The following ALK variants were observed in gnomAD, a reference collection of about 807,000 sequenced individuals.
The protein encoded by ALK is ALK receptor tyrosine kinase, also known as ALK tyrosine kinase receptor.
A neutral mutation model predicts 163.1 loss-of-function variants in ALK; 74 were observed. The observed-to-expected ratio is 0.45, with a 90% CI of 0.38 to 0.55. ALK has a LOEUF of 0.55. Ranked by LOEUF, ALK falls within the 20% of genes least tolerant of loss-of-function variation. The pLI is 0.00. For synonymous variants in ALK, 960 were observed against 843.2 expected (o/e 1.14, Z -2.40); for missense variants, 2,063 against 2,105.3 (o/e 0.98, Z 0.39).
At chr2:29,720,199 T>C (rs751329485) in intron 1 of ALK, among the ~76,000 whole-genome samples, 8 of 151,418 alleles carry the variant, frequency 5.3e-5, no homozygotes, top group Non-Finnish European at 1.0e-4. Context: ...CCAGATAATA[T>C]ATTCAGGGGT....
chr2:29,789,002 C>G (rs4666273), intron 1 of ALK, among the ~76,000 whole-genome samples: 132,373 of 149,862 alleles, frequency 0.88, 60,430 homozygotes, highest in East Asian at 1. Context: ...AAAACATGCT[C>G]CATCCTGGTA....
At chr2:29,919,351 T>C (rs1359722244) in intron 1 of ALK, among the ~76,000 whole-genome samples, 2 of 151,842 alleles carry the variant, frequency 1.3e-5, no homozygotes, top group African/African-American at 4.8e-5. Context: ...CCTCCTGTCC[T>C]CTGTTCCTTA....
intron 3 of ALK, among the ~76,000 whole-genome samples, chr2:29,657,714 A>G (rs1677226102): frequency 6.6e-6 from 1 of 152,114 alleles, no homozygotes; most frequent in Non-Finnish European, 1.5e-5. Context: ...CAAGAAAGAC[A>G]ATGAAAGACA....
rs78408768 is a variant in ALK at position 29,246,769 on chromosome 2, T to C, written c.2204+4336A>G. ...CTCCCCTGCCATCTTTCCCCTGTCC[T>C]GGCTCAGTCCTTTTGACCATGGCCT... On this transcript the variant is annotated intron_variant, in intron 12 of 28. Coordinates refer to ENST00000389048, the MANE Select transcript of ALK (RefSeq NM_004304.5). This position sits in a 1 kb window ranked among gnomAD's most constrained non-coding sequence, Gnocchi z 4.3. 8.0e-3 allele frequency among the ~76,000 whole-genome samples: 1,221 copies of C among 152,308 alleles called. 17 individuals are homozygous for C. Among genetic ancestry groups the C allele is most frequent in the African/African-American group, 0.028 (1,167 of 41,570 alleles).
chr2:29,354,224 ACT>A (rs1182649869), intron 5 of ALK, among the ~76,000 whole-genome samples: 1 of 151,872 alleles, frequency 6.6e-6, no homozygotes, highest in African/African-American at 2.4e-5. Flanking sequence ...TCCTGTCCTG[ACT>A]CCTCACAGAG....
intron 1 of ALK, among the ~76,000 whole-genome samples, chr2:29,869,178 T>C (rs989734763): frequency 1.3e-5 from 2 of 152,220 alleles, no homozygotes; most frequent in African/African-American, 4.8e-5. Flanking sequence ...CATAATAAAA[T>C]GGCTGATTTA....
chr2:29,839,835 G>A (rs1418313541), intron 1 of ALK, among the ~76,000 whole-genome samples: 1 of 151,932 alleles, frequency 6.6e-6, no homozygotes, highest in East Asian at 1.9e-4. Flanking sequence ...GTGTTGTGTC[G>A]CTCTGTAATA....
At chr2:29,848,546 T>C (rs1258379615) in intron 1 of ALK, among the ~76,000 whole-genome samples, 2 of 152,216 alleles carry the variant, frequency 1.3e-5, no homozygotes, top group Non-Finnish European at 2.9e-5. Context: ...TTTTAATACC[T>C]AGCCTGTAAA....
chr2:29,699,220 G>C (rs564712279), intron 2 of ALK, among the ~76,000 whole-genome samples: 30 of 152,228 alleles, frequency 2.0e-4, no homozygotes, highest in Admixed American at 3.3e-4. Flanking sequence ...ACCCACCCAG[G>C]GGCAGGGGTG....
At chr2:29,543,378 G>A (rs1327661826) in intron 3 of ALK, among the ~76,000 whole-genome samples, 3 of 152,192 alleles carry the variant, frequency 2.0e-5, no homozygotes, top group Non-Finnish European at 4.4e-5. Context: ...GATGGTGTTT[G>A]TCCTTTATGC....
chr2:29,558,149 T>G (rs1410674428), intron 3 of ALK, among the ~76,000 whole-genome samples: 1 of 152,220 alleles, frequency 6.6e-6, no homozygotes, highest in African/African-American at 2.4e-5. Context: ...TTGTCCTCAA[T>G]CAAGAGCTGA....
intron 4 of ALK, among the ~76,000 whole-genome samples, chr2:29,490,889 C>A (rs977672533): frequency 8.5e-5 from 13 of 152,186 alleles, no homozygotes; most frequent in African/African-American, 3.1e-4. Context: ...ATGTCTGCAA[C>A]AGCTGTCATG....
chr2:29,839,316 GT>G (rs1367189627), intron 1 of ALK, among the ~76,000 whole-genome samples: 2 of 152,124 alleles, frequency 1.3e-5, no homozygotes, highest in Non-Finnish European at 2.9e-5. Flanking sequence ...AGATGAGTAA[GT>G]TTTTTTAAGT....
intron 1 of ALK, among the ~76,000 whole-genome samples, chr2:29,904,516 T>C (rs2148433079): frequency 6.6e-6 from 1 of 152,176 alleles, no homozygotes; most frequent in South Asian, 2.1e-4. Context: ...AATAACAACA[T>C]CAATAATAAT....
chr2:29,315,349 T>TG (rs1283925873), intron 8 of ALK, among the ~76,000 whole-genome samples: 1 of 152,090 alleles, frequency 6.6e-6, no homozygotes, highest in Non-Finnish European at 1.5e-5. Flanking sequence ...GCCTCCATCA[T>TG]GGGGGGCTCC....
At chr2:29,583,744 G>A (rs533073331) in intron 3 of ALK, among the ~76,000 whole-genome samples, 2 of 152,234 alleles carry the variant, frequency 1.3e-5, no homozygotes, top group Admixed American at 6.5e-5. Context: ...AACCAGATAA[G>A]CTATTCTACA....
chr2:29,511,320 C>T (rs1182378248), intron 4 of ALK, among the ~76,000 whole-genome samples: 2 of 152,132 alleles, frequency 1.3e-5, no homozygotes, highest in Non-Finnish European at 2.9e-5. Context: ...GAACCACTGC[C>T]TTGCTCTCTG....
intron 1 of ALK, among the ~76,000 whole-genome samples, chr2:29,793,269 G>A (rs1664231865): frequency 6.6e-6 from 1 of 152,048 alleles, no homozygotes; most frequent in South Asian, 2.1e-4. Context: ...ACATCTTTGG[G>A]CTCCACTTCT....
chr2:29,355,553 T>C (rs1431586567), intron 5 of ALK, among the ~76,000 whole-genome samples: 1 of 152,140 alleles, frequency 6.6e-6, no homozygotes, highest in African/African-American at 2.4e-5. Flanking sequence ...CTTATGCCAC[T>C]ATCCCATCCC....
Sources: allele counts gnomAD v4.1 joint callset (sites outside exome capture counted in the v4.1 genomes callset), GRCh38; gene constraint gnomAD v4.1.1; non-coding constraint Gnocchi (gnomAD v3.1); transcripts MANE v1.5; gene names NCBI Gene and HGNC (gene_info 2026-07-23, HGNC 2026-07-21).